ADAMTS14: variants seen among roughly 807,000 people sequenced by gnomAD.
ADAMTS14 encodes A disintegrin and metalloproteinase with thrombospondin motifs 14.
ADAMTS14 carries 100 observed loss-of-function variants against 128.6 expected under a neutral mutation model. The ratio of observed to expected loss-of-function variants is 0.78; its 90% CI spans 0.66 to 0.92. The LOEUF is 0.92. ADAMTS14 is among the 40% of genes least tolerant of loss of function. ADAMTS14 has a pLI of 0.00. For missense variants in ADAMTS14, 1,562 were observed against 1,658.6 expected, an observed-to-expected ratio of 0.94 and a Z score of 1.01; for synonymous variants, 665 against 653.8, an observed-to-expected ratio of 1.02 and a Z score of -0.26.
chr10:70,725,559 C>G (rs888066597), intron 4 of ADAMTS14, among the ~76,000 whole-genome samples: 1 of 152,202 alleles, frequency 6.6e-6, no homozygotes, highest in Non-Finnish European at 1.5e-5. Context: ...TGACTTCTCA[C>G]TGTGTCCTCA....
intron 14 of ADAMTS14, 54 bp from the exon 15 acceptor site, chr10:70,745,172 A>G: frequency 6.4e-7 from 1 of 1,562,840 alleles, no homozygotes; most frequent in Non-Finnish European, 8.7e-7. Context: ...GACGCTGGGC[A>G]GTGGGACCAC....
chr10:70,732,289 A>T lies in ADAMTS14; in HGVS notation c.1138A>T (p.Arg380Trp). Residue 380 changes from arginine to tryptophan, a missense_variant, in exon 7 of 22, where the codon AGG becomes TGG. Physicochemically the swap from Arg to Trp is moderately radical, Grantham distance 101. Transcript: ENST00000373207. ...APVTGMCHPL[R>W]SCALNHEDGF... ...CGTCACTGGCATGTGTCACCCCCTG[A>T]GGAGCTGTGCCCTCAACCATGAGGA... 1 of 1,614,164 alleles carries T rather than the reference A, an allele frequency of 6.2e-7. No individual in the cohort carries two copies. The highest frequency in any genetic ancestry group is 2.2e-5 in the East Asian group (1 of 44,886).
chr10:70,743,423 A>G, intron 12 of ADAMTS14, 125 bp from the exon 13 acceptor site: 1 of 1,197,058 alleles, frequency 8.4e-7, no homozygotes, highest in East Asian at 2.9e-5. Context: ...CCCGTGCCAC[A>G]CCCAGTGCTC....
intron 4 of ADAMTS14, among the ~76,000 whole-genome samples, chr10:70,721,885 A>G (rs2132648647): frequency 6.6e-6 from 1 of 152,300 alleles, no homozygotes; most frequent in Admixed American, 6.5e-5. Flanking sequence ...TGAGGGCTCC[A>G]CTGGCATCCT....
In ADAMTS14 at chr10:70,730,158, C is replaced by T. The variant is rs1330326212; in HGVS notation, c.1011C>T (p.Arg337=). Residue 337 remains arginine, a synonymous_variant, in exon 6 of 22, where the codon CGC becomes CGT. Coordinates refer to ENST00000373207, the MANE Select transcript of ADAMTS14 (RefSeq NM_080722.4). Reference sequence around the variant, plus strand: ...CACGCAGCCTGGAGCAGGTGTGTCGCTGGGCACACTCCCAGCAGCGCCAGG... The same window carrying T: ...CACGCAGCCTGGAGCAGGTGTGTCGTTGGGCACACTCCCAGCAGCGCCAGG... ...NPSRSLEQVC[R]WAHSQQRQDP... is the part of the protein sequence containing the mutation. The T allele has an allele frequency of 6.2e-7, 1 of 1,613,144 alleles. No individual in the cohort carries two copies. Among genetic ancestry groups the T allele is most frequent in the Non-Finnish European group, 8.5e-7 (1 of 1,180,002 alleles).
At chr10:70,724,732 G>A (rs1841373679) in intron 4 of ADAMTS14, among the ~76,000 whole-genome samples, 1 of 152,174 alleles carries the variant, frequency 6.6e-6, no homozygotes, top group Non-Finnish European at 1.5e-5. Flanking sequence ...GAGCGTACCA[G>A]GGCGCCAGAG....
chr10:70,689,069 A>AG (rs1459295338), intron 2 of ADAMTS14, among the ~76,000 whole-genome samples: 2 of 111,020 alleles, frequency 1.8e-5, no homozygotes, highest in African/African-American at 5.4e-5. Context: ...TCCAGCCTGA[A>AG]GAGGCCTGTG....
chr10:70,722,464 A>G (rs1841301387), intron 4 of ADAMTS14, among the ~76,000 whole-genome samples: 1 of 152,164 alleles, frequency 6.6e-6, no homozygotes, highest in Non-Finnish European at 1.5e-5. Flanking sequence ...GTCCTCTGAC[A>G]ATGACTGCTG....
At chr10:70,749,636 T>C (rs1548905) in intron 15 of ADAMTS14, among the ~76,000 whole-genome samples, 186 bp from the exon 16 acceptor site, 60,336 of 145,932 alleles carry the variant, frequency 0.41, 13,637 homozygotes, top group East Asian at 0.71. Flanking sequence ...TGTGTGTGTG[T>C]GCGCGCACGT....
intron 4 of ADAMTS14, among the ~76,000 whole-genome samples, chr10:70,718,656 G>C (rs1288666573): frequency 6.7e-6 from 1 of 149,892 alleles, no homozygotes. Context: ...AAAGTGCTGG[G>C]ATTACAGGTG....
rs1564521518 is a variant in ADAMTS14 at position 70,688,852 on chromosome 10, AGGGGGAGGGGGAGGGGGAGGGG to A, written c.523-13458_523-13437del. On this transcript the variant is annotated intron_variant, in intron 2 of 21. Transcript: ENST00000373207. ...CGCATGAGAGGGAGACCGGAGGGGG[AGGGGGAGGGGGAGGGGGAGGGG>A]GAGGGGGAGGGGGAGGGGGAGGGAG... 0.011 allele frequency among the ~76,000 whole-genome samples: 50 copies of A among 4,534 alleles called. 2 individuals are homozygous for A. The East Asian group carries it at 0.15, about 14-fold the overall frequency. The allele number at this position is 4,534 out of a possible 152,430, so 3.0% of individuals were successfully genotyped here. A position where few individuals can be genotyped will look rare whatever the true frequency, so the allele number is the denominator to read the frequency against.
intron 4 of ADAMTS14, among the ~76,000 whole-genome samples, chr10:70,720,833 A>C (rs1356640240): frequency 6.6e-6 from 1 of 152,150 alleles, no homozygotes; most frequent in Non-Finnish European, 1.5e-5. Flanking sequence ...ACCATACCAA[A>C]TTAGATGTGT....
chr10:70,727,833 C>T (rs10999492), intron 4 of ADAMTS14, among the ~76,000 whole-genome samples: 23,321 of 152,058 alleles, frequency 0.15, 2,139 homozygotes, highest in Non-Finnish European at 0.22. Context: ...CGGTGGCTCA[C>T]GCCTGTAATC....
At chr10:70,707,478 T>TC (rs1455858462) in intron 3 of ADAMTS14, among the ~76,000 whole-genome samples, 2 of 152,206 alleles carry the variant, frequency 1.3e-5, no homozygotes, top group African/African-American at 2.4e-5. Context: ...CAGCCTCCTG[T>TC]CCTGCCTTCT....
chr10:70,723,661 A>G (rs577222006), intron 4 of ADAMTS14, among the ~76,000 whole-genome samples: 149 of 152,282 alleles, frequency 9.8e-4, no homozygotes, highest in African/African-American at 3.4e-3. Context: ...CTTCTGTTTG[A>G]GCGCGGGTGG....
Position 70,743,550 on chromosome 10 carries a change from G to A in ADAMTS14, c.1927G>A (p.Ala643Thr), listed in dbSNP as rs374298482. Reference sequence around the variant, plus strand: ...CAGCATAGTCCCTCTCCCTACAGACGCCCAGAAGTGTGAGCTGATCTGCCA... The same window carrying A: ...CAGCATAGTCCCTCTCCCTACAGACACCCAGAAGTGTGAGCTGATCTGCCA... ...SWVPYEPDDD[A>T]QKCELICQSA... The change falls in exon 13 of 22, where the codon GCC (alanine) becomes ACC (threonine). Residue 643 changes from alanine to threonine, a missense_variant and splice_region_variant. By Grantham distance (58) the Ala-to-Thr change is moderately conservative. Transcript: ENST00000373207. 15 of 1,612,320 alleles carry A rather than the reference G, an allele frequency of 9.3e-6. No homozygotes were observed. The highest frequency in any genetic ancestry group is 1.1e-5 in the South Asian group (1 of 90,898).
At position 70,736,703 on chromosome 10, in the gene ADAMTS14, G is replaced by A; in HGVS notation, c.1509G>A (p.Lys503=). 1.9e-6 allele frequency: 3 copies of A among 1,613,880 alleles called. No homozygotes were observed. Among genetic ancestry groups the A allele is most frequent in the Non-Finnish European group, 2.5e-6 (3 of 1,179,858 alleles). Residue 503 remains lysine (K), a synonymous_variant, in exon 10 of 22, where the codon AAG becomes AAA. Coordinates refer to ENST00000373207, the MANE Select transcript of ADAMTS14 (RefSeq NM_080722.4). ...AGTTCAGGACCTTTGAGCCCTGCAA[G>A]CAGCTGTGGTGCAGCCATCCTGACA... The part of the protein sequence containing the change: ...CLAFRTFEPC[K]QLWCSHPDNP...
At chr10:70,697,512 G>C (rs958124008) in intron 2 of ADAMTS14, among the ~76,000 whole-genome samples, 1 of 152,188 alleles carries the variant, frequency 6.6e-6, no homozygotes, top group Non-Finnish European at 1.5e-5. Context: ...TTGCCTCCCA[G>C]TTTACATGCA....
intron 4 of ADAMTS14, among the ~76,000 whole-genome samples, chr10:70,719,411 C>CACACAT (rs1399027568): frequency 3.7e-4 from 49 of 131,076 alleles, no homozygotes; most frequent in African/African-American, 1.3e-3. Flanking sequence ...CACACACACA[C>CACACAT]ACTTTTTAGA....
Sources: gnomAD v4.1 joint callset for allele counts (sites outside exome capture counted in the v4.1 genomes callset) on GRCh38, gnomAD v4.1.1 for gene constraint, MANE v1.5 for transcripts, NCBI Gene and HGNC (gene_info 2026-07-23, HGNC 2026-07-21) for gene names.